ZNF292: variants seen among roughly 807,000 people sequenced by gnomAD.
The protein encoded by ZNF292 is zinc finger protein 292.
A neutral mutation model predicts 217.9 loss-of-function variants in ZNF292; 26 were observed. The ratio of observed to expected loss-of-function variants is 0.12; its 90% CI spans 0.09 to 0.17. The LOEUF is 0.17. ZNF292 is among the 10% of genes least tolerant of loss of function. The pLI is 1.00. For missense variants in ZNF292, 2,904 were observed against 3,175.2 expected, an observed-to-expected ratio of 0.91 and a Z score of 2.05; for synonymous variants, 1,257 against 1,124.1, an observed-to-expected ratio of 1.12 and a Z score of -2.37.
intron 1 of ZNF292, among the ~76,000 whole-genome samples, chr6:87,195,521 A>G (rs1771930447): frequency 6.6e-6 from 1 of 152,222 alleles, no homozygotes; most frequent in Non-Finnish European, 1.5e-5. Flanking sequence ...GAGGTGTTGC[A>G]GAAATGATGA....
intron 1 of ZNF292, among the ~76,000 whole-genome samples, chr6:87,215,474 A>G (rs1396029237): frequency 6.6e-6 from 1 of 152,132 alleles, no homozygotes; most frequent in African/African-American, 2.4e-5. Context: ...GTCTTTGCTG[A>G]CCATACATGA....
rs754219520 is a variant in ZNF292, at chr6:87,256,318, T to C, written c.2689T>C (p.Ser897Pro). 8.1e-6 allele frequency: 13 copies of C among 1,613,172 alleles called. No individual in the cohort carries two copies. In the African/African-American group the frequency reaches 1.6e-4, roughly 20 times the overall value. The change falls in exon 8 of 8, where the codon TCA becomes CCA. Residue 897 changes from serine (S) to proline (P), a missense_variant. Transcript: ENST00000369577. ...SDAWDKSKAE[S>P]AVTKQDQISA... ...TGCTTGGGATAAAAGCAAAGCAGAATCAGCTGTGACCAAACAAGACCAGAT... is the reference window on the plus strand; with the variant it reads ...TGCTTGGGATAAAAGCAAAGCAGAACCAGCTGTGACCAAACAAGACCAGAT...
chr6:87,193,681 A>T (rs1260993166), intron 1 of ZNF292, among the ~76,000 whole-genome samples: 1 of 152,210 alleles, frequency 6.6e-6, no homozygotes, highest in Non-Finnish European at 1.5e-5. Flanking sequence ...TCCGAGGGTA[A>T]TAAGACAGCT....
chr6:87,256,742 C>T lies in ZNF292; in HGVS notation c.3113C>T (p.Ala1038Val). 6.2e-7 allele frequency: 1 copy of T among 1,612,442 alleles called. No individual in the cohort carries two copies. The highest frequency in any genetic ancestry group is 8.5e-7 in the Non-Finnish European group (1 of 1,179,796). ...ACCTTTTCTGTGCAAAATCAGGCAGCATTTCAAAACAATTTACCAACTTCC... is the reference window on the plus strand; with the variant it reads ...ACCTTTTCTGTGCAAAATCAGGCAGTATTTCAAAACAATTTACCAACTTCC... ...LMTFSVQNQAAFQNNLPTSKF... is the reference protein window; with the variant it reads ...LMTFSVQNQAVFQNNLPTSKF... Residue 1038 changes from alanine (A) to valine (V), a missense_variant, in exon 8 of 8, where the codon GCA becomes GTA. Around this residue, in one of 15 missense-constraint regions of ZNF292, gnomAD observed 687 missense variants for 623.0 expected, o/e 1.10. Coordinates refer to ENST00000369577, the MANE Select transcript of ZNF292 (RefSeq NM_015021.3).
intron 3 of ZNF292, 65 bp downstream of exon 3, chr6:87,216,442 A>C: frequency 8.2e-7 from 1 of 1,215,340 alleles, no homozygotes; most frequent in Admixed American, 2.3e-5. Flanking sequence ...TACTCTTAAA[A>C]AAATTATTCA....
chr6:87,194,283 T>C (rs1482742560), intron 1 of ZNF292, among the ~76,000 whole-genome samples: 1 of 152,138 alleles, frequency 6.6e-6, no homozygotes, highest in Non-Finnish European at 1.5e-5. Context: ...TTGAGTTCAC[T>C]CTTAGACATA....
intron 4 of ZNF292, chr6:87,222,931 G>A (rs1359677807): frequency 9.9e-6 from 4 of 404,448 alleles, no homozygotes; most frequent in Admixed American, 2.5e-5. Flanking sequence ...AGATTTGTCT[G>A]ATGTTGTTCT....
In ZNF292 at chr6:87,180,553, A is replaced by C. The variant is rs1196724689; in HGVS notation, c.168+24794A>C. ...CCTGCCTTCTGGAGAGCCAGCTGCCAATATTCCAACTTCCCCTGCATGTCT... is the reference window on the plus strand; with the variant it reads ...CCTGCCTTCTGGAGAGCCAGCTGCCCATATTCCAACTTCCCCTGCATGTCT... On this transcript the variant is annotated intron_variant, in intron 1 of 7. Coordinates refer to ENST00000369577, the MANE Select transcript of ZNF292 (RefSeq NM_015021.3). 2.0e-5 allele frequency among the ~76,000 whole-genome samples: 3 copies of C among 152,274 alleles called. No homozygotes were observed. The East Asian group carries it at 5.8e-4, about 29-fold the overall frequency.
At position 87,258,904 on chromosome 6, in the gene ZNF292, C is replaced by T. The variant is rs771120673; in HGVS notation, c.5275C>T (p.Leu1759Phe). 3 of 1,607,178 alleles carry T rather than the reference C, an allele frequency of 1.9e-6. No homozygotes were observed. The highest frequency in any genetic ancestry group is 3.4e-5 in the Admixed American group (2 of 58,782). ...DNVIQNFEKT[L>F]EIIKTAMNSQ... is the part of the protein sequence containing the mutation. ...TGTTATACAAAACTTTGAAAAGACT[C>T]TTGAAATTATTAAAACTGCTATGAA... The change falls in exon 8 of 8, where the codon CTT becomes TTT. Residue 1759 changes from leucine (L) to phenylalanine (F), a missense_variant. Leu to Phe is a conservative substitution (Grantham distance 22, BLOSUM62 0). Around this residue, in one of 15 missense-constraint regions of ZNF292, gnomAD observed 622 missense variants for 573.1 expected, o/e 1.09. Transcript: ENST00000369577.
Position 87,162,963 on chromosome 6 carries a change from A to G in ZNF292, c.168+7204A>G, listed in dbSNP as rs569818832. Among the ~76,000 whole-genome samples the G allele has an allele frequency of 3.9e-5, 6 of 152,348 alleles. No homozygotes were observed. In the South Asian group the frequency reaches 1.0e-3, roughly 26 times the overall value. ...TTCATTAATATGTTTGTCAGCATACATACACTGTGACTTTTAACAATGTAT... is the reference window on the plus strand; with the variant it reads ...TTCATTAATATGTTTGTCAGCATACGTACACTGTGACTTTTAACAATGTAT... On this transcript the variant is annotated intron_variant, in intron 1 of 7. Coordinates refer to ENST00000369577, the MANE Select transcript of ZNF292 (RefSeq NM_015021.3).
chr6:87,172,300 C>T (rs565492922), intron 1 of ZNF292, among the ~76,000 whole-genome samples: 3 of 152,164 alleles, frequency 2.0e-5, no homozygotes, highest in African/African-American at 7.2e-5. Flanking sequence ...TGCTTTCATC[C>T]GACTACTCCT....
chr6:87,156,074 G>A (rs1399076283), intron 1 of ZNF292, among the ~76,000 whole-genome samples: 1 of 152,262 alleles, frequency 6.6e-6, no homozygotes, highest in African/African-American at 2.4e-5. Context: ...GGAGAGAGTA[G>A]GAGAATGGAG....
rs1340150080 is a variant in ZNF292 at position 87,155,628 on chromosome 6, T to TGCGGCGAAG, written c.43_51dup (p.Glu15_Gly17dup). The TGCGGCGAAG allele has an allele frequency of 1.9e-6, 3 of 1,583,464 alleles. No homozygotes were observed. The highest frequency in any genetic ancestry group is 2.3e-5 in the East Asian group (1 of 43,466). On this transcript the variant is annotated inframe_insertion, in exon 1 of 8. Transcript: ENST00000369577. The stretch of plus-strand genomic sequence containing the variant: ...AGAGGCCGAGCAGGAGAGGTTGAGT[T>TGCGGCGAAG]GCGGCGAAGGCGGCTGCGTCGCGGA...
At chr6:87,226,651 A>C (rs1229829190) in intron 4 of ZNF292, among the ~76,000 whole-genome samples, 1 of 88,668 alleles carries the variant, frequency 1.1e-5, no homozygotes, top group East Asian at 3.0e-4. Context: ...ATATATCTAT[A>C]TATATATAGA....
At chr6:87,159,615 G>T (rs1770662255) in intron 1 of ZNF292, among the ~76,000 whole-genome samples, 1 of 150,850 alleles carries the variant, frequency 6.6e-6, no homozygotes, top group African/African-American at 2.4e-5. Context: ...CAATTCTCCT[G>T]CCTCAGCCTC....
In ZNF292 at chr6:87,256,677, T is replaced by C. The variant is rs1363365341; in HGVS notation, c.3048T>C (p.Leu1016=). The part of the protein sequence containing the change: ...VNSETLKIGD[L]TPQNLERQVN... Reference sequence around the variant, plus strand: ...CAGAAACTCTCAAAATAGGTGACCTTACCCCACAAAACTTAGAAAGACAAG... The same window carrying C: ...CAGAAACTCTCAAAATAGGTGACCTCACCCCACAAAACTTAGAAAGACAAG... Residue 1016 remains leucine (L), a synonymous_variant, in exon 8 of 8, where the codon CTT becomes CTC. Coordinates refer to ENST00000369577, the MANE Select transcript of ZNF292 (RefSeq NM_015021.3). 1 of 1,613,432 alleles carries C rather than the reference T, an allele frequency of 6.2e-7. No homozygotes were observed. Among genetic ancestry groups the C allele is most frequent in the East Asian group, 2.2e-5 (1 of 44,882 alleles).
intron 1 of ZNF292, among the ~76,000 whole-genome samples, chr6:87,168,519 G>T (rs1242323858): frequency 6.6e-6 from 1 of 152,270 alleles, no homozygotes; most frequent in South Asian, 2.1e-4. Context: ...TGTCAGGCTG[G>T]AGTGCAGTGA....
At chr6:87,195,595 C>A (rs1771933870) in intron 1 of ZNF292, among the ~76,000 whole-genome samples, 1 of 152,116 alleles carries the variant, frequency 6.6e-6, no homozygotes, top group Admixed American at 6.5e-5. Flanking sequence ...TTTCCTGTGA[C>A]CGTTAAAATT....
intron 1 of ZNF292, among the ~76,000 whole-genome samples, chr6:87,186,652 G>C (rs1771666220): frequency 6.6e-6 from 1 of 152,332 alleles, no homozygotes; most frequent in African/African-American, 2.4e-5. Flanking sequence ...ACTGAGGTGA[G>C]AGGATCACTT....
Sources: allele counts gnomAD v4.1 joint callset (sites outside exome capture counted in the v4.1 genomes callset), GRCh38; gene constraint gnomAD v4.1.1; regional missense constraint gnomAD v4.1.1; transcripts MANE v1.5; gene names NCBI Gene and HGNC (gene_info 2026-07-23, HGNC 2026-07-21).